Variants in AR observed in about 807,000 individuals in gnomAD.
AR encodes the protein androgen receptor.
Under a neutral mutation model 53.9 loss-of-function variants are expected in AR, and 8 were observed. That is an observed-to-expected ratio of 0.15 (90% CI 0.09 to 0.27). The LOEUF (loss-of-function observed/expected upper bound fraction) is 0.27, where lower values mean the gene tolerates loss of function less well. Ranked by LOEUF, AR falls within the 10% of genes least tolerant of loss-of-function variation. AR has a pLI of 1.00. For synonymous variants in AR, 359 were observed against 316.4 expected (o/e 1.13, Z -1.43); for missense variants, 639 against 742.5 (o/e 0.86, Z 1.62).
intron 3 of AR, among the ~76,000 whole-genome samples, chrX:67,698,094 C>T (rs951750984): frequency 8.9e-5 from 10 of 111,903 alleles, no homozygotes; most frequent in African/African-American, 2.6e-4. Flanking sequence ...GTGATAGAGC[C>T]GGAGTTACAA....
At chrX:67,694,550 C>A in intron 3 of AR, 1 of 1,025,703 alleles carries the variant, frequency 9.7e-7, no homozygotes, top group African/African-American at 1.9e-5. Context: ...CCGCCCACCT[C>A]CCCAACTTTA....
intron 1 of AR, among the ~76,000 whole-genome samples, chrX:67,589,724 T>G (rs920190928): frequency 3.6e-5 from 4 of 111,724 alleles, no homozygotes; most frequent in Non-Finnish European, 7.5e-5. Flanking sequence ...AAATTAGACA[T>G]GGCAGCCATG....
chrX:67,730,539 C>G lies in AR; in HGVS notation c.*6698C>G, dbSNP rs777472305. 4 of 170,220 alleles carry G rather than the reference C, an allele frequency of 2.3e-5. No homozygotes were observed. The highest frequency in any genetic ancestry group is 3.4e-5 in the Non-Finnish European group (3 of 89,148). The allele number at this position is 170,220 out of a possible 1,213,427, so 14.0% of individuals were successfully genotyped here. On this transcript the variant is annotated 3_prime_UTR_variant, in exon 8 of 8. Transcript: ENST00000374690. ...GGCTGCAGGATCGAGTTATTGTTAA[C>G]AAAGAGACCCAAGAAAAGCTGCTAA...
chrX:67,714,014 C>T (rs1242904207), intron 4 of AR, among the ~76,000 whole-genome samples: 1 of 112,320 alleles, frequency 8.9e-6, no homozygotes, highest in African/African-American at 3.2e-5. Context: ...ATGAACTGTG[C>T]TAGGCCCCTA....
Position 67,727,572 on chromosome X carries a change from G to C in AR, c.*3731G>C, listed in dbSNP as rs2076162879. 5.8e-6 allele frequency: 1 copy of C among 173,143 alleles called. No individual in the cohort carries two copies. The highest frequency in any genetic ancestry group is 2.9e-5 in the African/African-American group (1 of 34,064). 14.3% of individuals were successfully genotyped at this position (173,143 alleles called of 1,213,427 possible). A position where few individuals can be genotyped will look rare whatever the true frequency, so the allele number is the denominator to read the frequency against. On this transcript the variant is annotated 3_prime_UTR_variant, in exon 8 of 8. Coordinates refer to ENST00000374690, the MANE Select transcript of AR (RefSeq NM_000044.6). ...TGTTTGTTTCATTAGGCACAGCACA[G>C]ATGTGGCCTTTCCCCCCTTCTCTCC...
chrX:67,716,460 C>T (rs2076113784), intron 4 of AR, among the ~76,000 whole-genome samples: 1 of 111,956 alleles, frequency 8.9e-6, no homozygotes, highest in South Asian at 3.8e-4. Context: ...GCAAAAGTAA[C>T]TGCCTGTGCA....
chrX:67,706,263 A>G (rs2076066816), intron 3 of AR, among the ~76,000 whole-genome samples: 1 of 111,488 alleles, frequency 9.0e-6, no homozygotes, highest in South Asian at 3.8e-4. Flanking sequence ...TCAGCTGTGA[A>G]ATCCATCTAG....
At chrX:67,720,505 G>A (rs942853061) in intron 5 of AR, among the ~76,000 whole-genome samples, 2 of 111,944 alleles carry the variant, frequency 1.8e-5, no homozygotes, top group African/African-American at 6.5e-5. Flanking sequence ...CCAGACCTCA[G>A]GGTCAGCCAA....
At chrX:67,722,015 G>A (rs2147536404) in intron 6 of AR, 52 bp downstream of exon 6, 2 of 1,194,204 alleles carry the variant, frequency 1.7e-6, no homozygotes, top group East Asian at 3.0e-5. Flanking sequence ...GAGATTCAGA[G>A]AGGACCACTT....
At chrX:67,569,473 A>G (rs1391311200) in intron 1 of AR, among the ~76,000 whole-genome samples, 5 of 110,955 alleles carry the variant, frequency 4.5e-5, no homozygotes, top group East Asian at 5.7e-4. Context: ...TTCATTTCTG[A>G]GCAGTTGTGA....
Position 67,685,827 on chromosome X carries a change from T to C in AR, c.1769-183T>C, listed in dbSNP as rs767346210. 86 of 637,148 alleles carry C rather than the reference T, an allele frequency of 1.3e-4. No homozygotes were observed. In the Middle Eastern group the frequency reaches 3.2e-3, roughly 24 times the overall value. The allele number at this position is 637,148 out of a possible 1,213,427, so 52.5% of individuals were successfully genotyped here. A position where few individuals can be genotyped will look rare whatever the true frequency, so the allele number is the denominator to read the frequency against. On this transcript the variant is annotated intron_variant, in intron 2 of 7. Transcript: ENST00000374690. ...CACCAATGGAAATCAAACAATATAGTGCCAAATTAAACTGTTTGAATATTT... is the reference window on the plus strand; with the variant it reads ...CACCAATGGAAATCAAACAATATAGCGCCAAATTAAACTGTTTGAATATTT...
chrX:67,545,908 G>C lies in AR; in HGVS notation c.762G>C (p.Leu254Phe). 1 of 1,212,098 alleles carries C rather than the reference G, an allele frequency of 8.3e-7. No individual in the cohort carries two copies. Among genetic ancestry groups the C allele is most frequent in the Non-Finnish European group, 1.1e-6 (1 of 895,503 alleles). ...SVSMGLGVEA[L>F]EHLSPGEQLR... ...CCATGGGCCTGGGTGTGGAGGCGTT[G>C]GAGCATCTGAGTCCAGGGGAACAGC... The change falls in exon 1 of 8, where the codon TTG (leucine) becomes TTC (phenylalanine). Residue 254 changes from leucine to phenylalanine, a missense_variant. This residue lies in a region of AR where 423 missense variants were observed against 377.0 expected (regional missense o/e 1.12). Transcript: ENST00000374690.
chrX:67,656,388 A>G (rs1011319894), intron 2 of AR, among the ~76,000 whole-genome samples: 1 of 110,939 alleles, frequency 9.0e-6, no homozygotes, highest in Non-Finnish European at 1.9e-5. Flanking sequence ...CAGAGAAAAA[A>G]TCTATAAGCA....
At chrX:67,607,036 T>C (rs1923660411) in intron 1 of AR, among the ~76,000 whole-genome samples, 1 of 111,557 alleles carries the variant, frequency 9.0e-6, no homozygotes, top group African/African-American at 3.3e-5. Flanking sequence ...TTTTTGTTTT[T>C]TTTTTTATTT....
chrX:67,707,610 C>G (rs1046292798), intron 3 of AR, among the ~76,000 whole-genome samples: 5 of 111,813 alleles, frequency 4.5e-5, no homozygotes, highest in Non-Finnish European at 7.5e-5. Context: ...CAGTCTGTGT[C>G]TTTTAATTGG....
At position 67,679,751 on chromosome X, in the gene AR, G is replaced by A. The variant is rs184467434; in HGVS notation, c.1769-6259G>A. 2.6e-3 allele frequency among the ~76,000 whole-genome samples: 293 copies of A among 111,541 alleles called. 1 individual carries two copies. Among genetic ancestry groups the A allele is most frequent in the African/African-American group, 9.2e-3 (284 of 30,838 alleles). On this transcript the variant is annotated intron_variant, in intron 2 of 7. Transcript: ENST00000374690. ...TTTGTACTTCTAACTGCTTTCTCCT[G>A]TCTGTTGCCCATTTTTCTATTGTGC...
intron 2 of AR, among the ~76,000 whole-genome samples, chrX:67,650,581 AAAC>A (rs1926287908): frequency 8.9e-6 from 1 of 112,442 alleles, no homozygotes; most frequent in Non-Finnish European, 1.9e-5. Context: ...CATCATTGTA[AAAC>A]AACAATATCT....
chrX:67,669,300 A>G (rs1439981576), intron 2 of AR, among the ~76,000 whole-genome samples: 2 of 111,723 alleles, frequency 1.8e-5, no homozygotes, highest in Non-Finnish European at 1.9e-5. Context: ...ATTTATTGAC[A>G]TAGTCATTCC....
At chrX:67,557,719 A>C (rs987813901) in intron 1 of AR, among the ~76,000 whole-genome samples, 17 of 111,358 alleles carry the variant, frequency 1.5e-4, no homozygotes, top group African/African-American at 5.6e-4. Flanking sequence ...TTCTTTTTTT[A>C]GTGTGATTCT....
Sources: allele counts gnomAD v4.1 joint callset (sites outside exome capture counted in the v4.1 genomes callset), GRCh38; gene constraint gnomAD v4.1.1; regional missense constraint gnomAD v4.1.1; transcripts MANE v1.5; gene names NCBI Gene and HGNC (gene_info 2026-07-23, HGNC 2026-07-21).